UNC79: variants seen among roughly 807,000 people sequenced by gnomAD.
UNC79 encodes unc-79 subunit of NALCN channel complex, also known as protein unc-79 homolog.
A neutral mutation model predicts 283.1 loss-of-function variants in UNC79; 37 were observed. That is an observed-to-expected ratio of 0.13 (90% CI 0.10 to 0.17). The LOEUF (loss-of-function observed/expected upper bound fraction) is 0.17. Among genes scored for constraint, UNC79 ranks in the 10% least tolerant of loss-of-function variants. The pLI is 1.00. For synonymous variants in UNC79, 1,107 were observed against 1,200.2 expected, an observed-to-expected ratio of 0.92 and a Z score of 1.61; for missense variants, 2,272 against 3,211.1, an observed-to-expected ratio of 0.71 and a Z score of 7.07.
At chr14:93,633,592 G>A (rs999333148) in intron 31 of UNC79, among the ~76,000 whole-genome samples, 7 of 152,166 alleles carry the variant, frequency 4.6e-5, no homozygotes, top group African/African-American at 1.2e-4. Flanking sequence ...AATATACAAG[G>A]TATTTGGGGT....
At chr14:93,626,455 A>AT (rs200235489) in intron 30 of UNC79, among the ~76,000 whole-genome samples, 6,230 of 151,194 alleles carry the variant, frequency 0.041, 187 homozygotes, top group Middle Eastern at 0.065. Context: ...CTCTCTTAGT[A>AT]TTTTTTTTTC....
chr14:93,344,754 G>A (rs1010102728), intron 1 of UNC79, among the ~76,000 whole-genome samples: 1 of 152,172 alleles, frequency 6.6e-6, no homozygotes, highest in Admixed American at 6.5e-5. Flanking sequence ...GGATATCTAA[G>A]GCAAAATTAG....
chr14:93,537,910 A>T, intron 11 of UNC79, 79 bp from the exon 12 acceptor site: 1 of 1,414,812 alleles, frequency 7.1e-7, no homozygotes. Context: ...GTGGCCCCTT[A>T]AGTTTTCATT....
At chr14:93,555,629 C>T (rs980329810) in intron 14 of UNC79, among the ~76,000 whole-genome samples, 1 of 152,120 alleles carries the variant, frequency 6.6e-6, no homozygotes, top group African/African-American at 2.4e-5. Flanking sequence ...GTCTCAAATT[C>T]CTGGCTTAAA....
At chr14:93,502,231 G>A (rs1455923935) in intron 7 of UNC79, among the ~76,000 whole-genome samples, 1 of 152,096 alleles carries the variant, frequency 6.6e-6, no homozygotes, top group Non-Finnish European at 1.5e-5. Context: ...GGCTAACATG[G>A]TGAAACCCCG....
intron 23 of UNC79, among the ~76,000 whole-genome samples, chr14:93,595,359 A>C (rs2064999338): frequency 6.6e-6 from 1 of 151,962 alleles, no homozygotes. Flanking sequence ...TAAAATGCTG[A>C]GATTACAGGC....
chr14:93,627,824 C>T (rs73347677), intron 30 of UNC79, among the ~76,000 whole-genome samples: 9 of 152,266 alleles, frequency 5.9e-5, no homozygotes, highest in African/African-American at 1.9e-4. Context: ...TGTTGTTTAT[C>T]TGAAATTAAC....
intron 1 of UNC79, among the ~76,000 whole-genome samples, chr14:93,350,719 A>ATC (rs143041833): frequency 0.013 from 1,907 of 152,248 alleles, 50 homozygotes; most frequent in East Asian, 0.068. Context: ...TTAGATTCGT[A>ATC]TCTCAGAGGT....
chr14:93,415,806 A>G (rs1257951368), intron 1 of UNC79, among the ~76,000 whole-genome samples: 15 of 150,534 alleles, frequency 1.0e-4, no homozygotes, highest in Admixed American at 3.3e-4. Context: ...GTTTATTTGC[A>G]TAGAGGTGTT....
rs1211842050 is a variant in UNC79 at position 93,519,588 on chromosome 14, A to G, written c.899-4390A>G. ...TGATACACTTGTATGACTGAAGCCT[A>G]TCATGTTACACTTGTTTTATATTTG... On this transcript the variant is annotated intron_variant, in intron 7 of 48. Transcript: ENST00000555664. Among the ~76,000 whole-genome samples, 4 of 151,828 alleles carry G rather than the reference A, an allele frequency of 2.6e-5. 1 individual carries two copies. Among genetic ancestry groups the G allele is most frequent in the South Asian group, 4.1e-4 (2 of 4,826 alleles).
chr14:93,678,529 G>A (rs1315417078), intron 41 of UNC79, among the ~76,000 whole-genome samples: 1 of 152,188 alleles, frequency 6.6e-6, no homozygotes, highest in Admixed American at 6.5e-5. Flanking sequence ...CAAATACTCT[G>A]GCAGTAAGAG....
chr14:93,543,505 A>G (rs2141215207), intron 14 of UNC79, among the ~76,000 whole-genome samples: 1 of 151,872 alleles, frequency 6.6e-6, no homozygotes, highest in South Asian at 2.1e-4. Context: ...CAGAGACTAC[A>G]GGCATGCATC....
intron 1 of UNC79, among the ~76,000 whole-genome samples, chr14:93,341,193 G>GCAAT (rs1239390534): frequency 6.6e-6 from 1 of 152,152 alleles, no homozygotes; most frequent in Non-Finnish European, 1.5e-5. Context: ...GTTCACGCCT[G>GCAAT]CAATCTTAGC....
At chr14:93,600,016 C>T (rs754241812) in intron 24 of UNC79, among the ~76,000 whole-genome samples, 15 of 151,720 alleles carry the variant, frequency 9.9e-5, no homozygotes, top group South Asian at 2.1e-4. Context: ...CCGGCTAACA[C>T]AGTGAAACCT....
chr14:93,497,003 A>T (rs1253271750), intron 6 of UNC79, among the ~76,000 whole-genome samples, 154 bp from the exon 7 acceptor site: 2 of 152,224 alleles, frequency 1.3e-5, no homozygotes, highest in Non-Finnish European at 2.9e-5. Flanking sequence ...TTTTGACGTG[A>T]TCTAATCTAT....
intron 26 of UNC79, among the ~76,000 whole-genome samples, chr14:93,608,060 A>G (rs1293137085): frequency 2.0e-5 from 3 of 152,188 alleles, no homozygotes; most frequent in African/African-American, 7.2e-5. Context: ...GGGTCTTGCT[A>G]TGTGGCTCAG....
At chr14:93,639,661 C>T (rs1450364178) in intron 32 of UNC79, among the ~76,000 whole-genome samples, 1 of 152,182 alleles carries the variant, frequency 6.6e-6, no homozygotes, top group African/African-American at 2.4e-5. Context: ...AGATACTTTC[C>T]TTTGCAGTTT....
At chr14:93,643,203 C>T (rs78304273) in intron 33 of UNC79, among the ~76,000 whole-genome samples, 2,277 of 152,296 alleles carry the variant, frequency 0.015, 50 homozygotes, top group African/African-American at 0.052. Context: ...TACTGACTTT[C>T]CTCAGCAATA....
At chr14:93,434,229 A>G (rs1310181970) in intron 1 of UNC79, among the ~76,000 whole-genome samples, 1 of 152,090 alleles carries the variant, frequency 6.6e-6, no homozygotes, top group Admixed American at 6.5e-5. Context: ...GAAAAAAAAA[A>G]AGAAAAGAAA....
Sources: allele counts gnomAD v4.1 joint callset (sites outside exome capture counted in the v4.1 genomes callset), GRCh38; gene constraint gnomAD v4.1.1; transcripts MANE v1.5; gene names NCBI Gene and HGNC (gene_info 2026-07-23, HGNC 2026-07-21).